The following AGBL4 variants were observed in gnomAD, a reference collection of about 807,000 sequenced individuals.
AGBL4 encodes cytosolic carboxypeptidase 6.
Under a neutral mutation model 66.4 loss-of-function variants are expected in AGBL4, and 58 were observed. That is an observed-to-expected ratio of 0.87 (90% CI 0.71 to 1.09). The LOEUF (loss-of-function observed/expected upper bound fraction) is 1.09, where lower values mean the gene tolerates loss of function less well. Among genes scored for constraint, AGBL4 ranks in the 50% least tolerant of loss-of-function variants. The pLI, the probability that AGBL4 is intolerant of heterozygous loss-of-function variation, is 0.00. For missense variants in AGBL4, 579 were observed against 631.0 expected (o/e 0.92, Z 0.88); for synonymous variants, 234 against 222.9 (o/e 1.05, Z -0.44).
At chr1:48,747,885 C>T (rs1028105008) in intron 6 of AGBL4, among the ~76,000 whole-genome samples, 2 of 152,102 alleles carry the variant, frequency 1.3e-5, no homozygotes, top group African/African-American at 2.4e-5. Flanking sequence ...CTGATTTCAG[C>T]TGAAATGGAA....
intron 1 of AGBL4, among the ~76,000 whole-genome samples, chr1:49,853,433 A>T (rs76436284): frequency 0.028 from 4,277 of 152,252 alleles, 168 homozygotes; most frequent in African/African-American, 0.097. Context: ...AAATATTCTA[A>T]ACATAAATGC....
At chr1:49,416,224 A>T (rs1278206334) in intron 3 of AGBL4, among the ~76,000 whole-genome samples, 1 of 152,164 alleles carries the variant, frequency 6.6e-6, no homozygotes, top group Non-Finnish European at 1.5e-5. Flanking sequence ...ATATTTATAC[A>T]TGTGGTAATA....
At chr1:48,702,554 GC>G (rs1213831293) in intron 6 of AGBL4, among the ~76,000 whole-genome samples, 1 of 152,022 alleles carries the variant, frequency 6.6e-6, no homozygotes, top group Admixed American at 6.6e-5. Context: ...GGCCTCCCAA[GC>G]AAAAACCTGG....
At chr1:49,658,648 C>T (rs1211639951) in intron 3 of AGBL4, among the ~76,000 whole-genome samples, 2 of 152,194 alleles carry the variant, frequency 1.3e-5, no homozygotes, top group East Asian at 3.9e-4. Flanking sequence ...GAAAATGTGG[C>T]ACATATACAC....
At chr1:49,677,137 G>A (rs1306727427) in intron 3 of AGBL4, among the ~76,000 whole-genome samples, 6 of 151,870 alleles carry the variant, frequency 4.0e-5, no homozygotes, top group Admixed American at 3.9e-4. Context: ...CCTGACATAC[G>A]CACATTGTAT....
At chr1:48,548,207 A>G (rs1313390407) in intron 11 of AGBL4, among the ~76,000 whole-genome samples, 2 of 151,500 alleles carry the variant, frequency 1.3e-5, no homozygotes, top group African/African-American at 2.4e-5. Context: ...TGGAGTAAAG[A>G]TAAAGAGTAG....
intron 3 of AGBL4, among the ~76,000 whole-genome samples, chr1:49,335,717 A>C (rs533807611): frequency 6.6e-6 from 1 of 152,044 alleles, no homozygotes; most frequent in Non-Finnish European, 1.5e-5. Context: ...GGGTTTCACC[A>C]TGTTAGTCAG....
rs1483106630 is a variant in AGBL4, at chr1:48,663,157, C to A, written c.719G>T (p.Cys240Phe). 3.1e-6 allele frequency: 5 copies of A among 1,613,806 alleles called. No individual in the cohort carries two copies. The Admixed American group carries it at 8.3e-5, about 27-fold the overall frequency. Residue 240 changes from cysteine to phenylalanine, a missense_variant, in exon 7 of 14, where the codon TGC (cysteine) becomes TTC (phenylalanine). By Grantham distance (205) the Cys-to-Phe change is radical (BLOSUM62 -2). Transcript: ENST00000371839. ...TATGAGATCCTGCCACTCACCTTGG[C>A]ACACAAATGATGAGGGTGTTTCCCC... ...HPGETPSSFV[C>F]QGIIDFLVSQ... is the part of the protein sequence containing the mutation.
chr1:49,527,221 CTT>C (rs1650728286), intron 3 of AGBL4: 1 of 152,042 alleles, frequency 6.6e-6, no homozygotes, highest in African/African-American at 2.4e-5. Context: ...ACATTGTACT[CTT>C]TCTCCACGAC....
chr1:49,406,304 A>G (rs1457502916), intron 3 of AGBL4, among the ~76,000 whole-genome samples: 1 of 152,214 alleles, frequency 6.6e-6, no homozygotes, highest in Non-Finnish European at 1.5e-5. Context: ...ATAAAAATTT[A>G]AATCTGCTAC....
chr1:49,877,116 T>G (rs1647035736), intron 1 of AGBL4, among the ~76,000 whole-genome samples: 1 of 151,626 alleles, frequency 6.6e-6, no homozygotes, highest in South Asian at 2.1e-4. Context: ...AGGGACAATT[T>G]GACTTCCTCT....
intron 4 of AGBL4, among the ~76,000 whole-genome samples, chr1:49,131,009 C>T (rs1358784712): frequency 2.0e-5 from 3 of 152,006 alleles, no homozygotes; most frequent in Non-Finnish European, 4.4e-5. Flanking sequence ...TTCAAATTTA[C>T]ATCAACAAAT....
chr1:48,622,553 G>A (rs1297840849), intron 9 of AGBL4, among the ~76,000 whole-genome samples: 1 of 141,600 alleles, frequency 7.1e-6, no homozygotes, highest in African/African-American at 2.7e-5. Context: ...GCACAATCTC[G>A]GCTCACTGCA....
intron 5 of AGBL4, among the ~76,000 whole-genome samples, chr1:48,919,691 G>A (rs747529241): frequency 6.6e-6 from 1 of 152,166 alleles, no homozygotes; most frequent in Admixed American, 6.5e-5. Flanking sequence ...ATGTTTAGCA[G>A]CATGCATGGC....
intron 5 of AGBL4, among the ~76,000 whole-genome samples, chr1:49,003,312 C>A (rs533176046): frequency 2.6e-5 from 4 of 152,026 alleles, no homozygotes; most frequent in Non-Finnish European, 5.9e-5. Flanking sequence ...GCAGGAGAAT[C>A]GCTTGAACCC....
At position 49,268,693 on chromosome 1, in the gene AGBL4, A is replaced by G. The variant is rs539989544; in HGVS notation, c.283-22829T>C. ...TACCCACTTCTGGCTTCCATTAGGT[A>G]TATACTTCTATTGGCTTTTGTTATC... On this transcript the variant is annotated intron_variant, in intron 3 of 13. Coordinates refer to ENST00000371839, the MANE Select transcript of AGBL4 (RefSeq NM_032785.4). Among the ~76,000 whole-genome samples the G allele has an allele frequency of 2.0e-5, 3 of 152,298 alleles. No homozygotes were observed. In the East Asian group the frequency reaches 5.8e-4, roughly 29 times the overall value.
intron 9 of AGBL4, among the ~76,000 whole-genome samples, chr1:48,634,044 A>G (rs752242774): frequency 9.9e-5 from 15 of 152,232 alleles, no homozygotes; most frequent in Non-Finnish European, 1.5e-4. Context: ...GAAAATGAGC[A>G]TAAGTTACTG....
intron 4 of AGBL4, among the ~76,000 whole-genome samples, chr1:49,086,000 T>C (rs922413041): frequency 6.6e-6 from 1 of 152,120 alleles, no homozygotes; most frequent in African/African-American, 2.4e-5. Flanking sequence ...ACCCCTTTGT[T>C]AGACAAGGTT....
intron 4 of AGBL4, among the ~76,000 whole-genome samples, chr1:49,153,447 C>G (rs754669138): frequency 7.2e-5 from 11 of 151,898 alleles, no homozygotes; most frequent in Non-Finnish European, 1.6e-4. Context: ...AAAAGAAATC[C>G]AAGGTCAAAG....
Sources: allele counts gnomAD v4.1 joint callset (sites outside exome capture counted in the v4.1 genomes callset), GRCh38; gene constraint gnomAD v4.1.1; transcripts MANE v1.5; gene names NCBI Gene and HGNC (gene_info 2026-07-23, HGNC 2026-07-21).